UNC45B: variants seen among roughly 807,000 people sequenced by gnomAD.
UNC45B encodes unc-45 myosin chaperone B.
UNC45B carries 78 observed loss-of-function variants against 98.7 expected under a neutral mutation model. That is an observed-to-expected ratio of 0.79 (90% CI 0.66 to 0.95). The LOEUF (loss-of-function observed/expected upper bound fraction) is 0.95, where lower values mean the gene tolerates loss of function less well. UNC45B is among the 40% of genes least tolerant of loss of function. UNC45B has a pLI of 0.00. For missense variants in UNC45B, 1,225 were observed against 1,184.9 expected, an observed-to-expected ratio of 1.03 and a Z score of -0.50; for synonymous variants, 462 against 480.4, an observed-to-expected ratio of 0.96 and a Z score of 0.50.
rs769304174 is a variant in UNC45B at position 35,187,841 on chromosome 17, C to T, written c.*1282C>T. 6.6e-6 allele frequency: 1 copy of T among 152,224 alleles called. No homozygotes were observed. The highest frequency in any genetic ancestry group is 2.4e-5 in the African/African-American group (1 of 41,456). The allele number at this position is 152,224 out of a possible 1,614,324, so 9.4% of individuals were successfully genotyped here. ...AGATAGCTAAGATCTAGTACTGTCA[C>T]TCCAGTATGTCCCAATTCTACCTAC... is the stretch of plus-strand genomic sequence containing the variant. On this transcript the variant is annotated 3_prime_UTR_variant, in exon 20 of 20. Transcript: ENST00000394570.
chr17:35,184,510 T>C (rs529590856), intron 19 of UNC45B, among the ~76,000 whole-genome samples: 4 of 152,316 alleles, frequency 2.6e-5, no homozygotes, highest in Non-Finnish European at 5.9e-5. Context: ...ATAACTCTTG[T>C]TGCAGGTCCT....
At chr17:35,159,600 G>T (rs1326083687) in intron 8 of UNC45B, 55 bp downstream of exon 8, 1 of 1,569,576 alleles carries the variant, frequency 6.4e-7, no homozygotes, top group Admixed American at 1.8e-5. Flanking sequence ...GGGCACCAGG[G>T]CACTGAACAG....
Position 35,154,712 on chromosome 17 carries a change from T to G in UNC45B, c.610T>G (p.Ser204Ala), listed in dbSNP as rs1183288942. The change falls in exon 6 of 20, where the codon TCG (serine) becomes GCG (alanine). Residue 204 changes from serine (S) to alanine (A), a missense_variant. Transcript: ENST00000394570. The part of the protein sequence containing the change: ...ELVLAAVRTL[S>A]GMCSGHQARA... ...GGTGCTGGCTGCAGTGCGGACCCTG[T>G]CGGGCATGTGCAGCGGCCACCAAGC... The G allele has an allele frequency of 6.2e-7, 1 of 1,602,194 alleles. No individual in the cohort carries two copies. Among genetic ancestry groups the G allele is most frequent in the Admixed American group, 1.8e-5 (1 of 57,092 alleles).
intron 4 of UNC45B, among the ~76,000 whole-genome samples, chr17:35,152,154 G>A (rs1466874075): frequency 6.6e-6 from 1 of 152,178 alleles, no homozygotes; most frequent in Admixed American, 6.5e-5. Flanking sequence ...GCTTAGACAG[G>A]AGAATCACTT....
At chr17:35,165,920 C>T (rs1371723964) in intron 9 of UNC45B, among the ~76,000 whole-genome samples, 4 of 147,722 alleles carry the variant, frequency 2.7e-5, no homozygotes, top group Non-Finnish European at 4.5e-5. Flanking sequence ...GCCTGGGTGA[C>T]AGAGCAAGTC....
At chr17:35,148,581 AC>A in intron 2 of UNC45B, 150 bp downstream of exon 2, 1 of 904,064 alleles carries the variant, frequency 1.1e-6, no homozygotes, top group Non-Finnish European at 1.6e-6. Flanking sequence ...CAACCCCCTG[AC>A]CCATGCCCCG....
At chr17:35,158,229 C>G (rs925566239) in intron 7 of UNC45B, among the ~76,000 whole-genome samples, 1 of 152,180 alleles carries the variant, frequency 6.6e-6, no homozygotes, top group Admixed American at 6.5e-5. Context: ...GTCAGCTAGT[C>G]ACTTTCCTTT....
At chr17:35,155,608 C>T (rs953926438) in intron 7 of UNC45B, 144 bp downstream of exon 7, 1 of 841,748 alleles carries the variant, frequency 1.2e-6, no homozygotes, top group East Asian at 2.6e-5. Flanking sequence ...TGGGGTCTTA[C>T]TCTGTCACCC....
Position 35,172,389 on chromosome 17 carries a change from C to A in UNC45B, c.1830+927C>A, listed in dbSNP as rs1466401484. On this transcript the variant is annotated intron_variant, in intron 13 of 19. Transcript: ENST00000394570. ...CTCAGTCTCTCAAGTAGCTGGAATTCCAGGCATGCACCACCATGCCCGGCT... is the reference window on the plus strand; with the variant it reads ...CTCAGTCTCTCAAGTAGCTGGAATTACAGGCATGCACCACCATGCCCGGCT... Among the ~76,000 whole-genome samples, 3 of 151,982 alleles carry A rather than the reference C, an allele frequency of 2.0e-5. No individual in the cohort carries two copies. In the East Asian group the frequency reaches 5.8e-4, roughly 29 times the overall value.
At chr17:35,183,210 C>T (rs146629456) in intron 18 of UNC45B, among the ~76,000 whole-genome samples, 32 of 149,698 alleles carry the variant, frequency 2.1e-4, no homozygotes, top group African/African-American at 5.9e-4. Flanking sequence ...GTGAAGCACA[C>T]TAGATGGGGA....
intron 4 of UNC45B, among the ~76,000 whole-genome samples, chr17:35,150,881 T>C (rs1176603490): frequency 2.0e-5 from 3 of 151,904 alleles, no homozygotes; most frequent in Admixed American, 6.6e-5. Context: ...AAGACATCGA[T>C]GAGGGATAGA....
chr17:35,189,338 TAGTAAG>T (rs1191386958), exon 20 of UNC45B: 1 of 152,198 alleles, frequency 6.6e-6, no homozygotes, highest in Non-Finnish European at 1.5e-5. Context: ...TTTCTGTTCC[TAGTAAG>T]AGTAACTTGT....
intron 7 of UNC45B, among the ~76,000 whole-genome samples, chr17:35,158,659 C>G (rs1046472172): frequency 1.3e-5 from 2 of 152,188 alleles, no homozygotes; most frequent in Non-Finnish European, 2.9e-5. Context: ...CCTCTGGAGC[C>G]TCACAGAAGG....
chr17:35,156,553 G>A (rs1040800152), intron 7 of UNC45B, among the ~76,000 whole-genome samples: 1 of 152,076 alleles, frequency 6.6e-6, no homozygotes, highest in Non-Finnish European at 1.5e-5. Flanking sequence ...TTGAGCCGGG[G>A]AGGCGAAGTT....
chr17:35,154,845 A>G, intron 6 of UNC45B, 104 bp downstream of exon 6: 1 of 1,279,964 alleles, frequency 7.8e-7, no homozygotes, highest in Non-Finnish European at 1.0e-6. Flanking sequence ...GGAACCAGAT[A>G]AAAAGTCAAA....
rs1490035467 is a variant in UNC45B at position 35,177,015 on chromosome 17, AGGCCCTGATTCCCCT to A, written c.2028_2042del (p.Ile678_Leu682del). 6.2e-7 allele frequency: 1 copy of A among 1,613,210 alleles called. No homozygotes were observed. The highest frequency in any genetic ancestry group is 8.5e-7 in the Non-Finnish European group (1 of 1,179,388). ...AAGTAGTGACCTTGCCCTTTCTTGC[AGGCCCTGATTCCCCT>A]GGCTTTGGAGGGCACAGATGTGGGC... On this transcript the variant is annotated splice_acceptor_variant and coding_sequence_variant, in exon 16 of 20. Coordinates refer to ENST00000394570, the MANE Select transcript of UNC45B (RefSeq NM_001267052.2). LOFTEE classifies it high-confidence loss of function.
Position 35,170,133 on chromosome 17 carries a change from A to G in UNC45B, c.1567A>G (p.Ile523Val), listed in dbSNP as rs777128445. Residue 523 changes from isoleucine (I) to valine (V), a missense_variant, in exon 12 of 20, where the codon ATA becomes GTA. By Grantham distance (29) the Ile-to-Val change is conservative (BLOSUM62 3). Coordinates refer to ENST00000394570, the MANE Select transcript of UNC45B (RefSeq NM_001267052.2). The stretch of plus-strand genomic sequence containing the variant: ...TTCCAGGTGGCTGTGCAATATGTCC[A>G]TAGACACTCGGACCCGACGCTGGGC... ...QCRKWLCNMS[I>V]DTRTRRWAVE... The G allele has an allele frequency of 2.2e-5, 35 of 1,612,732 alleles. No individual in the cohort carries two copies. The highest frequency in any genetic ancestry group is 2.9e-5 in the Non-Finnish European group (34 of 1,179,254).
Position 35,159,414 on chromosome 17 carries a change from T to C in UNC45B, c.848T>C (p.Leu283Pro). The change falls in exon 8 of 20, where the codon CTG becomes CCG. Residue 283 changes from leucine (L) to proline (P), a missense_variant. Physicochemically the swap from Leu to Pro is moderately conservative, Grantham distance 98. Transcript: ENST00000394570. ...CTGAAGCAGATCACCAGCCACCTGC[T>C]GGACATGCTAGTCAGCAAGAAGGTG... is the stretch of plus-strand genomic sequence containing the variant. ...KDLKQITSHLLDMLVSKKVSG... is the reference protein window; with the variant it reads ...KDLKQITSHLPDMLVSKKVSG... The C allele has an allele frequency of 1.9e-6, 3 of 1,614,034 alleles. No individual in the cohort carries two copies. Among genetic ancestry groups the C allele is most frequent in the Non-Finnish European group, 2.5e-6 (3 of 1,179,932 alleles).
intron 9 of UNC45B, among the ~76,000 whole-genome samples, chr17:35,165,042 T>C (rs2092129019): frequency 6.6e-6 from 1 of 152,086 alleles, no homozygotes; most frequent in Non-Finnish European, 1.5e-5. Flanking sequence ...GCCTGGCTAA[T>C]TTTTGTATTT....
Sources: allele counts gnomAD v4.1 joint callset (sites outside exome capture counted in the v4.1 genomes callset), GRCh38; gene constraint gnomAD v4.1.1; transcripts MANE v1.5; gene names NCBI Gene and HGNC (gene_info 2026-07-23, HGNC 2026-07-21).